Variants in FLNC observed in about 807,000 individuals in gnomAD.
The protein encoded by FLNC is filamin-C.
FLNC carries 91 observed loss-of-function variants against 254.3 expected under a neutral mutation model. The observed-to-expected ratio is 0.36, with a 90% CI of 0.30 to 0.43. The LOEUF (loss-of-function observed/expected upper bound fraction) is 0.43. Among genes scored for constraint, FLNC ranks in the 20% least tolerant of loss-of-function variants. The pLI, the probability that FLNC is intolerant of heterozygous loss-of-function variation, is 1.00. For missense variants in FLNC, 2,853 were observed against 3,802.6 expected (o/e 0.75, Z 6.57); for synonymous variants, 1,430 against 1,577.2 (o/e 0.91, Z 2.21).
rs771831281 is a variant in FLNC, at chr7:128,858,244, C to T, written c.7990+27C>T. ...CAGGTGGCGGGGGGAGGGCGTCTCCCGGGGTGTGAGCAAGAAGCCGTCAGG... is the reference window on the plus strand; with the variant it reads ...CAGGTGGCGGGGGGAGGGCGTCTCCTGGGGTGTGAGCAAGAAGCCGTCAGG... On this transcript the variant is annotated intron_variant, in intron 47 of 47. Transcript: ENST00000325888. The surrounding 1 kb of genome is among the most constrained non-coding windows in gnomAD (Gnocchi z 6.7). 2.9e-5 allele frequency: 38 copies of T among 1,313,674 alleles called. No homozygotes were observed. The highest frequency in any genetic ancestry group is 2.1e-4 in the East Asian group (9 of 43,068). The allele number at this position is 1,313,674 out of a possible 1,614,324, so 81.4% of individuals were successfully genotyped here.
chr7:128,843,134 T>C (rs1288923121), intron 16 of FLNC, 95 bp from the exon 17 acceptor site: 2 of 1,407,048 alleles, frequency 1.4e-6, no homozygotes, highest in Admixed American at 3.9e-5. Flanking sequence ...CCCCTGTCCA[T>C]GCTGGGTCCC....
rs1562996847 is a variant in FLNC at position 128,844,880 on chromosome 7, C to T, written c.3415C>T (p.His1139Tyr). ...YTINILFAEA[H>Y]IPGSPFKATI... ...CATCAACATCCTGTTTGCTGAGGCCCACATCCCTGGCTCGCCCTTCAAAGC... is the reference window on the plus strand; with the variant it reads ...CATCAACATCCTGTTTGCTGAGGCCTACATCCCTGGCTCGCCCTTCAAAGC... Residue 1139 changes from histidine to tyrosine, a missense_variant, in exon 21 of 48, where the codon CAC (histidine) becomes TAC (tyrosine). By Grantham distance (83) the His-to-Tyr change is moderately conservative (BLOSUM62 2). Around this residue, in one of 10 missense-constraint regions of FLNC, gnomAD observed 1,573 missense variants for 1,883.5 expected, o/e 0.84. Coordinates refer to ENST00000325888, the MANE Select transcript of FLNC (RefSeq NM_001458.5). The T allele has an allele frequency of 6.2e-7, 1 of 1,614,080 alleles. No individual in the cohort carries two copies. The highest frequency in any genetic ancestry group is 1.6e-4 in the Middle Eastern group (1 of 6,062).
In FLNC at chr7:128,835,640, C is replaced by A; in HGVS notation, c.601+66C>A. 1 of 1,567,134 alleles carries A rather than the reference C, an allele frequency of 6.4e-7. No individual in the cohort carries two copies. Among genetic ancestry groups the A allele is most frequent in the Non-Finnish European group, 8.7e-7 (1 of 1,146,884 alleles). On this transcript the variant is annotated intron_variant, in intron 2 of 47. Coordinates refer to ENST00000325888, the MANE Select transcript of FLNC (RefSeq NM_001458.5). This position sits in a 1 kb window ranked among gnomAD's most constrained non-coding sequence, Gnocchi z 5.3. ...CAAAGACAGAGGGGACAAGCTGGGG[C>A]TGCCAAGGCGTGTGGTTGTCAGAAT...
chr7:128,843,296 A>G lies in FLNC; in HGVS notation c.2618A>G (p.Glu873Gly). 6.2e-7 allele frequency: 1 copy of G among 1,612,904 alleles called. No homozygotes were observed. The highest frequency in any genetic ancestry group is 8.5e-7 in the Non-Finnish European group (1 of 1,179,486). ...CACGATGCCAGCAAAGTCAAGGCCG[A>G]GGGCCCTGGGCTGAATCGCACAGGT... ...PSHDASKVKA[E>G]GPGLNRTGVE... The change falls in exon 17 of 48, where the codon GAG becomes GGG. Residue 873 changes from glutamate (E) to glycine (G), a missense_variant. This residue lies in a region of FLNC where 1,573 missense variants were observed against 1,883.5 expected (regional missense o/e 0.84). Transcript: ENST00000325888.
chr7:128,847,126 G>C (rs921240369), intron 24 of FLNC, among the ~76,000 whole-genome samples: 29 of 152,250 alleles, frequency 1.9e-4, no homozygotes, highest in African/African-American at 7.0e-4. Flanking sequence ...AACACACTCT[G>C]GCCTCCTAGC....
At position 128,840,071 on chromosome 7, in the gene FLNC, A is replaced by G; in HGVS notation, c.1460A>G (p.Lys487Arg). The change falls in exon 9 of 48, where the codon AAG becomes AGG. Residue 487 changes from lysine (K) to arginine (R), a missense_variant. By Grantham distance (26) the Lys-to-Arg change is conservative. Transcript: ENST00000325888. Reference sequence around the variant, plus strand: ...GCCTCTGGGCGAGGCCTGCAGCCCAAGGGTGTTCGCGTGAAAGAGGTGGCT... The same window carrying G: ...GCCTCTGGGCGAGGCCTGCAGCCCAGGGGTGTTCGCGTGAAAGAGGTGGCT... ...CRASGRGLQP[K>R]GVRVKEVADF... is the part of the protein sequence containing the mutation. The G allele has an allele frequency of 6.2e-7, 1 of 1,614,124 alleles. No individual in the cohort carries two copies. The highest frequency in any genetic ancestry group is 8.5e-7 in the Non-Finnish European group (1 of 1,180,036).
In FLNC at chr7:128,856,981, T is replaced by C; in HGVS notation, c.7561+60T>C. ...TGGGGGTGCTTGGCCACTAGTCTGG[T>C]GCTGCTTTGCTCCAGAGGTAGGGGC... On this transcript the variant is annotated intron_variant, in intron 45 of 47. Coordinates refer to ENST00000325888, the MANE Select transcript of FLNC (RefSeq NM_001458.5). The surrounding 1 kb of genome is among the most constrained non-coding windows in gnomAD (Gnocchi z 5.9). The C allele has an allele frequency of 6.3e-7, 1 of 1,586,182 alleles. No homozygotes were observed. Among genetic ancestry groups the C allele is most frequent in the Non-Finnish European group, 8.6e-7 (1 of 1,156,520 alleles).
Position 128,838,007 on chromosome 7 carries a change from T to G in FLNC, c.990T>G (p.Asn330Lys). Residue 330 changes from asparagine to lysine, a missense_variant, in exon 6 of 48, where the codon AAT becomes AAG. Coordinates refer to ENST00000325888, the MANE Select transcript of FLNC (RefSeq NM_001458.5). ...AATAGGCTAAGGTGGTTCCCAACAATGACAAGGATCGCACCTATGCTGTCT... is the reference window on the plus strand; with the variant it reads ...AATAGGCTAAGGTGGTTCCCAACAAGGACAAGGATCGCACCTATGCTGTCT... ...HTEEAKVVPNNDKDRTYAVSY... is the reference protein window; with the variant it reads ...HTEEAKVVPNKDKDRTYAVSY... 6.2e-7 allele frequency: 1 copy of G among 1,614,002 alleles called. No homozygotes were observed. Among genetic ancestry groups the G allele is most frequent in the Non-Finnish European group, 8.5e-7 (1 of 1,179,940 alleles).
intron 3 of FLNC, 36 bp downstream of exon 3, chr7:128,837,293 A>C: frequency 3.5e-6 from 3 of 849,310 alleles, no homozygotes; most frequent in Non-Finnish European, 5.7e-6. Context: ...GAAAGGGGGC[A>C]GGGGCAGAGG....
rs367987438 is a variant in FLNC, at chr7:128,840,927, C to T, written c.1770C>T (p.Ala590=). 6.5e-5 allele frequency: 104 copies of T among 1,608,904 alleles called. No individual in the cohort carries two copies. The highest frequency in any genetic ancestry group is 8.3e-5 in the Non-Finnish European group (98 of 1,177,904). Residue 590 remains alanine (A), a synonymous_variant, in exon 11 of 48, where the codon GCC becomes GCT. Coordinates refer to ENST00000325888, the MANE Select transcript of FLNC (RefSeq NM_001458.5). ...GLETGQVGKS[A]DFVVEAIGTE... is the part of the protein sequence containing the mutation. The stretch of plus-strand genomic sequence containing the variant: ...AGACTGGCCAGGTGGGCAAGTCAGC[C>T]GATTTTGTGGTGGAAGCCATTGGCA...
intron 1 of FLNC, 116 bp downstream of exon 1, chr7:128,831,105 C>T: frequency 3.2e-6 from 3 of 948,608 alleles, no homozygotes; most frequent in Admixed American, 2.4e-5. Context: ...AGGGCACCCC[C>T]CGGTATAGAG....
chr7:128,846,389 C>A lies in FLNC; in HGVS notation c.4053C>A (p.Thr1351=). The change falls in exon 23 of 48, where the codon ACC becomes ACA. Residue 1351 remains threonine (T), a synonymous_variant. Transcript: ENST00000325888. The part of the protein sequence containing the change: ...RVGVTEGCDP[T]RVRAFGPGLE... ...GCGTGACCGAGGGCTGTGATCCCAC[C>A]CGCGTCCGAGCCTTCGGGCCAGGCC... 6.2e-7 allele frequency: 1 copy of A among 1,611,530 alleles called. No individual in the cohort carries two copies. Among genetic ancestry groups the A allele is most frequent in the South Asian group, 1.1e-5 (1 of 91,084 alleles).
intron 9 of FLNC, 98 bp from the exon 10 acceptor site, chr7:128,840,450 C>A: frequency 6.4e-7 from 1 of 1,554,016 alleles, no homozygotes; most frequent in Non-Finnish European, 8.8e-7. Flanking sequence ...TGCCCTCGGG[C>A]TGGGTCGGGG....
Position 128,850,732 on chromosome 7 carries a change from C to T in FLNC, c.5399-71C>T, listed in dbSNP as rs994797653. ...GGGTGGCAGCAGAAGCACTCAGGAC[C>T]AGGCCTGGGACAGCAGGGAGGTTGC... On this transcript the variant is annotated intron_variant, in intron 32 of 47. Transcript: ENST00000325888. The T allele has an allele frequency of 1.9e-6, 3 of 1,606,650 alleles. No individual in the cohort carries two copies. The South Asian group carries it at 3.3e-5, about 18-fold the overall frequency.
rs916172950 is a variant in FLNC, at chr7:128,853,300, A to G, written c.6209-169A>G. 3 of 832,588 alleles carry G rather than the reference A, an allele frequency of 3.6e-6. No homozygotes were observed. In the African/African-American group the frequency reaches 5.1e-5, roughly 14 times the overall value. The allele number at this position is 832,588 out of a possible 1,614,324, so 51.6% of individuals were successfully genotyped here. ...AGAGGCTTACCTTAGGGAATTTTCCAGACCGCCTGTCCCGTGGTGCCCCCG... is the reference window on the plus strand; with the variant it reads ...AGAGGCTTACCTTAGGGAATTTTCCGGACCGCCTGTCCCGTGGTGCCCCCG... On this transcript the variant is annotated intron_variant, in intron 37 of 47. Transcript: ENST00000325888.
chr7:128,832,777 A>G (rs1585149247), intron 1 of FLNC, among the ~76,000 whole-genome samples: 2 of 152,208 alleles, frequency 1.3e-5, no homozygotes, highest in South Asian at 2.1e-4. Context: ...GCTGTCAGCA[A>G]TTCAGCTGCC....
chr7:128,844,389 G>C (rs1280458240), intron 20 of FLNC, 123 bp downstream of exon 20: 1 of 1,248,314 alleles, frequency 8.0e-7, no homozygotes, highest in Non-Finnish European at 1.1e-6. Context: ...AGGGTGTGGG[G>C]CTGAGGCCAG....
rs1808069029 is a variant in FLNC at position 128,835,667 on chromosome 7, C to T, written c.601+93C>T. The T allele has an allele frequency of 2.7e-5, 38 of 1,423,568 alleles. No homozygotes were observed. Among genetic ancestry groups the T allele is most frequent in the Non-Finnish European group, 3.6e-5 (37 of 1,025,268 alleles). 88.2% of individuals were successfully genotyped at this position (1,423,568 alleles called of 1,614,324 possible). A position where few individuals can be genotyped will look rare whatever the true frequency, so the allele number is the denominator to read the frequency against. ...GCCAAGGCGTGTGGTTGTCAGAATG[C>T]ACACCCTGGGGCCTGGGGGCCAGGA... On this transcript the variant is annotated intron_variant, in intron 2 of 47. Transcript: ENST00000325888. This position sits in a 1 kb window ranked among gnomAD's most constrained non-coding sequence, Gnocchi z 5.3.
At chr7:128,850,276 T>A (rs2128938038) in intron 31 of FLNC, 108 bp from the exon 32 acceptor site, 1 of 1,066,992 alleles carries the variant, frequency 9.4e-7, no homozygotes, top group East Asian at 2.4e-5. Context: ...CACGCTGGTT[T>A]CATGATTAAC....
Sources: gnomAD v4.1 joint callset for allele counts (sites outside exome capture counted in the v4.1 genomes callset) on GRCh38, gnomAD v4.1.1 for gene constraint, gnomAD v4.1.1 regional missense constraint, Gnocchi (gnomAD v3.1) non-coding constraint, MANE v1.5 for transcripts, NCBI Gene and HGNC (gene_info 2026-07-23, HGNC 2026-07-21) for gene names.